Variants in GRK7 observed in about 807,000 individuals in gnomAD.
GRK7 encodes rhodopsin kinase GRK7.
A neutral mutation model predicts 34.1 loss-of-function variants in GRK7; 24 were observed. The ratio of observed to expected loss-of-function variants is 0.70; its 90% CI spans 0.51 to 0.99. The LOEUF is 0.99. Ranked by LOEUF, GRK7 falls within the 50% of genes least tolerant of loss-of-function variation. The probability of loss-of-function intolerance (pLI) is 0.00; values close to 1 mark genes in which losing one functional copy is unlikely to be tolerated. For missense variants in GRK7, 644 were observed against 707.3 expected (o/e 0.91, Z 1.02); for synonymous variants, 256 against 279.4 (o/e 0.92, Z 0.84).
At chr3:141,793,614 G>A (rs1435773059) in intron 4 of GRK7, among the ~76,000 whole-genome samples, 1 of 152,186 alleles carries the variant, frequency 6.6e-6, no homozygotes, top group African/African-American at 2.4e-5. Context: ...CCAAATTGAG[G>A]TGGGGTCCAG....
At chr3:141,811,515 CTGT>C (rs1177681127) in intron 5 of GRK7, among the ~76,000 whole-genome samples, 7 of 152,080 alleles carry the variant, frequency 4.6e-5, no homozygotes, top group Non-Finnish European at 1.0e-4. Context: ...AGTAAAGCAT[CTGT>C]TGTTGTGACT....
At chr3:141,808,450 C>T (rs770504084) in intron 5 of GRK7, among the ~76,000 whole-genome samples, 11 of 152,196 alleles carry the variant, frequency 7.2e-5, no homozygotes, top group Non-Finnish European at 1.3e-4. Flanking sequence ...CAGGGTGGCT[C>T]ATGCCTGTAA....
chr3:141,775,324 T>C (rs1174105903), intron 2 of GRK7, among the ~76,000 whole-genome samples: 1 of 151,942 alleles, frequency 6.6e-6, no homozygotes, highest in Non-Finnish European at 1.5e-5. Flanking sequence ...GAGGCAGAGG[T>C]TGCAGTGAGC....
At chr3:141,790,164 G>A (rs2084716915) in intron 4 of GRK7, among the ~76,000 whole-genome samples, 1 of 152,132 alleles carries the variant, frequency 6.6e-6, no homozygotes, top group African/African-American at 2.4e-5. Flanking sequence ...ACCACGCCCA[G>A]CTAATTTTTT....
At chr3:141,791,176 C>T (rs1249693213) in intron 4 of GRK7, among the ~76,000 whole-genome samples, 3 of 152,164 alleles carry the variant, frequency 2.0e-5, no homozygotes, top group Admixed American at 2.0e-4. Flanking sequence ...CTCTGACCAA[C>T]TCCTCACATT....
chr3:141,777,934 G>C (rs1373722381), intron 2 of GRK7, among the ~76,000 whole-genome samples: 1 of 152,184 alleles, frequency 6.6e-6, no homozygotes, highest in Non-Finnish European at 1.5e-5. Context: ...ACAACGGTAT[G>C]ATCACTTCCT....
intron 4 of GRK7, among the ~76,000 whole-genome samples, chr3:141,789,656 C>CAAAAAAAAAAAAAAAAAAAAAAA (rs60765509): frequency 8.6e-4 from 102 of 119,176 alleles, no homozygotes; most frequent in African/African-American, 1.2e-3. Context: ...GCCAAATGGG[C>CAAAAAAAAAAAAAAAAAAAAAAA]AAAAAAAAAA....
intron 5 of GRK7, among the ~76,000 whole-genome samples, chr3:141,812,432 T>C (rs923117204): frequency 5.9e-5 from 9 of 151,320 alleles, no homozygotes; most frequent in African/African-American, 1.7e-4. Flanking sequence ...GTGGTGGGAG[T>C]TGCTAATGCA....
chr3:141,787,002 C>T (rs2084699665), intron 4 of GRK7, among the ~76,000 whole-genome samples: 2 of 152,066 alleles, frequency 1.3e-5, no homozygotes, highest in African/African-American at 4.8e-5. Flanking sequence ...GCTGCCTCTC[C>T]CTGACAGCCA....
chr3:141,808,935 A>G (rs1045443357), intron 5 of GRK7, among the ~76,000 whole-genome samples: 1 of 152,010 alleles, frequency 6.6e-6, no homozygotes. Flanking sequence ...TGAGCCAGGC[A>G]TGGTGGTTCA....
At position 141,763,598 on chromosome 3, in the gene GRK7, G is replaced by A. The variant is rs558739607; in HGVS notation, c.-2355G>A. Among the ~76,000 whole-genome samples the A allele has an allele frequency of 8.5e-5, 13 of 152,182 alleles. No individual in the cohort carries two copies. The highest frequency in any genetic ancestry group is 4.1e-4 in the South Asian group (2 of 4,824). Reference sequence around the variant, plus strand: ...GATCCCGGATCCAGATCCAGTGTGCGTGGCAAGGCCAGCACCCCTCCCTGC... The same window carrying A: ...GATCCCGGATCCAGATCCAGTGTGCATGGCAAGGCCAGCACCCCTCCCTGC... On this transcript the variant is annotated 5_prime_UTR_variant, in exon 1 of 6. In the 5' UTR this introduces an upstream ATG that the reference lacks. Transcript: ENST00000682958.
chr3:141,756,349 A>C, the GRK7 span, among the ~76,000 whole-genome samples: 19 of 133,180 alleles, frequency 1.4e-4, no homozygotes, highest in Non-Finnish European at 2.6e-4. Flanking sequence ...AAAACAACTG[A>C]TGCAGGCGAC....
At chr3:141,815,013 C>T (rs1459519329) in intron 5 of GRK7, among the ~76,000 whole-genome samples, 4 of 151,414 alleles carry the variant, frequency 2.6e-5, no homozygotes, top group Non-Finnish European at 5.9e-5. Context: ...CAATCTCCGC[C>T]TCCTGGGTTC....
At chr3:141,782,097 G>A (rs1469560903) in intron 4 of GRK7, among the ~76,000 whole-genome samples, 2 of 152,228 alleles carry the variant, frequency 1.3e-5, no homozygotes, top group African/African-American at 2.4e-5. Context: ...ATGCCTTCTT[G>A]TAGGGGAAGA....
chr3:141,819,154 G>A lies in GRK7; in HGVS notation c.*2104G>A, dbSNP rs1472123466. On this transcript the variant is annotated 3_prime_UTR_variant, in exon 6 of 6. Coordinates refer to ENST00000682958, the MANE Select transcript of GRK7 (RefSeq NM_139209.3). ...ATTAACAGAAATCCAATTAACCAGA[G>A]CACTCCAATGGTAGAGTTCTCAGGA... Among the ~76,000 whole-genome samples the A allele has an allele frequency of 6.6e-6, 1 of 152,020 alleles. No homozygotes were observed. The highest frequency in any genetic ancestry group is 1.5e-5 in the Non-Finnish European group (1 of 68,012).
intron 4 of GRK7, among the ~76,000 whole-genome samples, chr3:141,781,027 A>T (rs1450127513): frequency 6.6e-6 from 1 of 151,968 alleles, no homozygotes; most frequent in Non-Finnish European, 1.5e-5. Flanking sequence ...CTCACAGGGG[A>T]TGGGGGAGCC....
At position 141,780,799 on chromosome 3, in the gene GRK7, C is replaced by T. The variant is rs759070820; in HGVS notation, c.1038C>T (p.Pro346=). Reference sequence around the variant, plus strand: ...CCGTGGAGATGAAGGGTGGCAAGCCCATCACCCAGAGGGTGAGTGACTCTC... The same window carrying T: ...CCGTGGAGATGAAGGGTGGCAAGCCTATCACCCAGAGGGTGAGTGACTCTC... The part of the protein sequence containing the change: ...GLAVEMKGGK[P]ITQRAGTNGY... Residue 346 remains proline (P), a synonymous_variant, in exon 4 of 6, where the codon CCC becomes CCT. Transcript: ENST00000682958. The T allele has an allele frequency of 3.7e-6, 6 of 1,613,234 alleles. No homozygotes were observed. In the South Asian group the frequency reaches 4.4e-5, roughly 12 times the overall value.
chr3:141,787,585 A>G (rs564341505), intron 4 of GRK7, among the ~76,000 whole-genome samples: 1 of 149,420 alleles, frequency 6.7e-6, no homozygotes, highest in African/African-American at 2.5e-5. Flanking sequence ...AGATTGCGCC[A>G]CTGCACTCCA....
chr3:141,796,013 T>A (rs139588385), intron 4 of GRK7, among the ~76,000 whole-genome samples: 174 of 152,228 alleles, frequency 1.1e-3, no homozygotes, highest in Non-Finnish European at 2.1e-3. Flanking sequence ...TAATCTAATA[T>A]AGACACATGT....
Sources: gnomAD v4.1 joint callset for allele counts (sites outside exome capture counted in the v4.1 genomes callset) on GRCh38, gnomAD v4.1.1 for gene constraint, MANE v1.5 for transcripts, NCBI Gene and HGNC (gene_info 2026-07-23, HGNC 2026-07-21) for gene names.